The following SDK1 variants were observed in gnomAD, a reference collection of about 807,000 sequenced individuals.
SDK1 encodes protein sidekick-1.
In SDK1, 157 loss-of-function variants were observed where a neutral mutation model predicts 245.5. The observed-to-expected ratio is 0.64, with a 90% CI of 0.56 to 0.73. The LOEUF is 0.73. SDK1 is among the 30% of genes least tolerant of loss of function. The pLI is 0.00. For missense variants in SDK1, 3,583 were observed against 3,002.3 expected (o/e 1.19, Z -4.52); for synonymous variants, 1,647 against 1,278.5 (o/e 1.29, Z -6.15).
intron 28 of SDK1, among the ~76,000 whole-genome samples, chr7:4,145,431 G>T (rs1283035313): frequency 6.6e-6 from 1 of 152,174 alleles, no homozygotes; most frequent in Non-Finnish European, 1.5e-5. Flanking sequence ...GAGGGACTGG[G>T]TCCCTGTGGC....
chr7:4,065,712 T>G (rs370850131), intron 19 of SDK1, among the ~76,000 whole-genome samples: 35,223 of 139,892 alleles, frequency 0.25, 7,153 homozygotes, highest in African/African-American at 0.55. Flanking sequence ...TTTTTTTTTT[T>G]TTTTTTTTTT....
chr7:3,809,790 G>C (rs6944479), intron 4 of SDK1, among the ~76,000 whole-genome samples: 54,382 of 151,814 alleles, frequency 0.36, 11,588 homozygotes, highest in African/African-American at 0.59. Flanking sequence ...TGCCTGGTGC[G>C]CCTTTATCTG....
At chr7:3,601,308 A>C (rs1014074507) in intron 1 of SDK1, among the ~76,000 whole-genome samples, 3 of 152,044 alleles carry the variant, frequency 2.0e-5, no homozygotes, top group African/African-American at 7.2e-5. Context: ...TTCTTCTTTA[A>C]ATGTTTGGTA....
chr7:3,355,378 C>T (rs544968903), intron 1 of SDK1, among the ~76,000 whole-genome samples: 197 of 152,268 alleles, frequency 1.3e-3, no homozygotes, highest in African/African-American at 4.0e-3. Context: ...TGCAATGGTG[C>T]GATCGTAGCT....
intron 1 of SDK1, among the ~76,000 whole-genome samples, chr7:3,334,640 A>C (rs1780153292): frequency 6.6e-6 from 1 of 151,680 alleles, no homozygotes; most frequent in Non-Finnish European, 1.5e-5. Flanking sequence ...AATCCAGGGC[A>C]CTCTACTTTC....
intron 4 of SDK1, among the ~76,000 whole-genome samples, chr7:3,807,204 C>T (rs779466191): frequency 7.2e-5 from 11 of 152,174 alleles, no homozygotes; most frequent in Non-Finnish European, 1.5e-4. Context: ...GCTCATAGCT[C>T]TGCCTCTTAT....
At chr7:4,060,817 T>C (rs1245522966) in intron 19 of SDK1, among the ~76,000 whole-genome samples, 1 of 152,164 alleles carries the variant, frequency 6.6e-6, no homozygotes, top group Non-Finnish European at 1.5e-5. Flanking sequence ...TTGATTTTTG[T>C]ATAAGGTGTA....
At chr7:3,654,398 C>T (rs988125220) in intron 4 of SDK1, among the ~76,000 whole-genome samples, 5 of 152,166 alleles carry the variant, frequency 3.3e-5, no homozygotes, top group Admixed American at 2.0e-4. Context: ...GCGCTTTATT[C>T]CAGAGCCTCA....
rs1780248869 is a variant in SDK1 at position 3,845,318 on chromosome 7, T to C, written c.847+23735T>C. On this transcript the variant is annotated intron_variant, in intron 5 of 44. Transcript: ENST00000404826. ...TAGCCTGACCAGCATGGGGAAACCCTGTCTCTACTAAAAATACAAAACTTA... is the reference window on the plus strand; with the variant it reads ...TAGCCTGACCAGCATGGGGAAACCCCGTCTCTACTAAAAATACAAAACTTA... Among the ~76,000 whole-genome samples, 5 of 152,036 alleles carry C rather than the reference T, an allele frequency of 3.3e-5. 1 individual carries two copies. The highest frequency in any genetic ancestry group is 3.3e-4 in the Admixed American group (5 of 15,268).
intron 5 of SDK1, among the ~76,000 whole-genome samples, chr7:3,839,820 C>A (rs1310748788): frequency 6.6e-6 from 1 of 152,022 alleles, no homozygotes; most frequent in African/African-American, 2.4e-5. Context: ...GTTTTTTTAA[C>A]ATTTAGTTTT....
intron 1 of SDK1, among the ~76,000 whole-genome samples, chr7:3,553,588 C>G (rs964503262): frequency 6.6e-6 from 1 of 152,030 alleles, no homozygotes; most frequent in Admixed American, 6.6e-5. Context: ...AGGCTGCTTC[C>G]TTTTTTTATT....
chr7:3,350,713 C>T (rs578130109), intron 1 of SDK1, among the ~76,000 whole-genome samples: 2 of 152,146 alleles, frequency 1.3e-5, no homozygotes, highest in African/African-American at 2.4e-5. Context: ...TCTTTTCCTT[C>T]TACAGTCACC....
At chr7:4,230,239 A>T (rs1441327174) in intron 40 of SDK1, among the ~76,000 whole-genome samples, 1 of 150,776 alleles carries the variant, frequency 6.6e-6, no homozygotes, top group Non-Finnish European at 1.5e-5. Flanking sequence ...GAATGGATAG[A>T]TGGATAGGTG....
intron 1 of SDK1, among the ~76,000 whole-genome samples, chr7:3,352,146 A>G (rs1246776096): frequency 2.0e-5 from 3 of 149,278 alleles, no homozygotes; most frequent in African/African-American, 7.3e-5. Flanking sequence ...ATATATAAAT[A>G]TATATTTATA....
chr7:3,400,714 GT>G (rs1427598342), intron 1 of SDK1, among the ~76,000 whole-genome samples: 1 of 152,138 alleles, frequency 6.6e-6, no homozygotes, highest in Non-Finnish European at 1.5e-5. Context: ...TTATTTTGTA[GT>G]TGGTGGGTTC....
At chr7:4,122,209 G>T (rs1335864935) in intron 25 of SDK1, among the ~76,000 whole-genome samples, 4 of 152,158 alleles carry the variant, frequency 2.6e-5, no homozygotes, top group African/African-American at 9.7e-5. Context: ...CCTCTGACTG[G>T]CAAGGCCCTC....
At position 3,340,902 on chromosome 7, in the gene SDK1, G is replaced by A. The variant is rs115315470; in HGVS notation, c.298+39018G>A. On this transcript the variant is annotated intron_variant, in intron 1 of 44. Transcript: ENST00000404826. ...AAAAAAGAAAAAATCTCTGGGTCCA[G>A]ATGGTTTCACTGGACAATTTACCAA... Among the ~76,000 whole-genome samples the A allele has an allele frequency of 8.8e-3, 1,335 of 152,214 alleles. 23 individuals are homozygous for A. Among genetic ancestry groups the A allele is most frequent in the African/African-American group, 0.03 (1,236 of 41,526 alleles).
intron 5 of SDK1, among the ~76,000 whole-genome samples, chr7:3,909,138 G>T (rs1779064374): frequency 6.6e-6 from 1 of 152,156 alleles, no homozygotes; most frequent in South Asian, 2.1e-4. Flanking sequence ...AAGTATCTTG[G>T]CATAAGTCAG....
At chr7:4,223,632 A>T (rs1266103639) in intron 40 of SDK1, among the ~76,000 whole-genome samples, 2 of 152,124 alleles carry the variant, frequency 1.3e-5, no homozygotes, top group Non-Finnish European at 2.9e-5. Flanking sequence ...GTCATACTAG[A>T]CTGGGGACCC....
Sources: allele counts gnomAD v4.1 joint callset (sites outside exome capture counted in the v4.1 genomes callset), GRCh38; gene constraint gnomAD v4.1.1; transcripts MANE v1.5; gene names NCBI Gene and HGNC (gene_info 2026-07-23, HGNC 2026-07-21).